The following OBI1 variants were observed in gnomAD, a reference collection of about 807,000 sequenced individuals.
OBI1 encodes ring finger protein 219.
A neutral mutation model predicts 62.4 loss-of-function variants in OBI1; 59 were observed. The ratio of observed to expected loss-of-function variants is 0.95; its 90% CI spans 0.77 to 1.17. OBI1 has a LOEUF of 1.17. Ranked by LOEUF, OBI1 falls within the 50% of genes most tolerant of loss-of-function variation. The pLI, the probability that OBI1 is intolerant of heterozygous loss-of-function variation, is 0.00. For synonymous variants in OBI1, 302 were observed against 292.8 expected (o/e 1.03, Z -0.32); for missense variants, 875 against 830.9 (o/e 1.05, Z -0.65).
intron 5 of OBI1, among the ~76,000 whole-genome samples, chr13:78,625,090 C>T (rs1426383329): frequency 6.6e-6 from 1 of 152,178 alleles, no homozygotes; most frequent in African/African-American, 2.4e-5. Flanking sequence ...CCCCTCTGCT[C>T]CCTTCAACCA....
intron 5 of OBI1, among the ~76,000 whole-genome samples, chr13:78,621,028 C>A (rs1011755449): frequency 9.2e-5 from 14 of 152,154 alleles, no homozygotes; most frequent in Non-Finnish European, 7.4e-5. Context: ...ACAAGGGGGA[C>A]ATTGGGGAAG....
intron 1 of OBI1, among the ~76,000 whole-genome samples, chr13:78,649,481 A>G (rs1170025358): frequency 2.0e-5 from 3 of 152,250 alleles, no homozygotes; most frequent in African/African-American, 7.2e-5. Flanking sequence ...GTTACCGACA[A>G]GCACTGTTTC....
rs1875262410 is a variant in OBI1, at chr13:78,615,962, T to C, written c.1799A>G (p.Gln600Arg). ...NLSKGSLTND[Q>R]LENGSEWKPT... ...TTTCCATTCACTTCCATTTTCTAAC[T>C]GATCATTAGTTAGAGAACCTTTGGA... Residue 600 changes from glutamine (Q) to arginine (R), a missense_variant, in exon 6 of 6, where the codon CAG (glutamine) becomes CGG (arginine). Physicochemically the swap from Gln to Arg is conservative, Grantham distance 43 (BLOSUM62 1). Transcript: ENST00000282003. The C allele has an allele frequency of 6.2e-7, 1 of 1,613,770 alleles. No individual in the cohort carries two copies.
chr13:78,631,676 C>A (rs1249954741), intron 5 of OBI1, among the ~76,000 whole-genome samples: 1 of 152,080 alleles, frequency 6.6e-6, no homozygotes, highest in African/African-American at 2.4e-5. Flanking sequence ...GAAAAGACTG[C>A]ATTTTCTGGA....
At chr13:78,620,582 G>A (rs1211559454) in intron 5 of OBI1, 6 of 454,470 alleles carry the variant, frequency 1.3e-5, no homozygotes, top group Non-Finnish European at 2.6e-5. Flanking sequence ...GGATTTTTCA[G>A]CTTGCAATAT....
rs11408032 is a variant in OBI1 at position 78,645,659 on chromosome 13, A to ATT, written c.73-664_73-663dup. On this transcript the variant is annotated intron_variant, in intron 1 of 5. Coordinates refer to ENST00000282003, the MANE Select transcript of OBI1 (RefSeq NM_024546.4). ...AATAATAATACCTTACATTTATAGCATTTTTTTTTGAGACGGAGTCTCGCT... is the reference window on the plus strand; with the variant it reads ...AATAATAATACCTTACATTTATAGCATTTTTTTTTTTGAGACGGAGTCTCGCT... Among the ~76,000 whole-genome samples, 921 of 151,484 alleles carry ATT rather than the reference A, an allele frequency of 6.1e-3. 7 individuals are homozygous for ATT. The highest frequency in any genetic ancestry group is 0.015 in the African/African-American group (617 of 41,324).
intron 1 of OBI1, among the ~76,000 whole-genome samples, chr13:78,647,659 A>G (rs12584378): frequency 0.37 from 56,025 of 152,098 alleles, 10,646 homozygotes; most frequent in African/African-American, 0.39. Context: ...CAGGTCCTCC[A>G]TATGCTGAGC....
chr13:78,640,046 T>C (rs542775087), intron 3 of OBI1, among the ~76,000 whole-genome samples: 1 of 151,780 alleles, frequency 6.6e-6, no homozygotes, highest in Admixed American at 6.5e-5. Context: ...AAAAAAAAGA[T>C]ATCATCCAGA....
intron 1 of OBI1, among the ~76,000 whole-genome samples, chr13:78,649,355 A>G (rs1876477939): frequency 6.6e-6 from 1 of 152,228 alleles, no homozygotes; most frequent in Admixed American, 6.5e-5. Flanking sequence ...TCAAGGCAAG[A>G]AAGTTTTTCA....
rs114151714 is a variant in OBI1, at chr13:78,622,255, C to A, written c.639-5133G>T. Among the ~76,000 whole-genome samples the A allele has an allele frequency of 2.9e-3, 439 of 151,848 alleles. 2 individuals are homozygous for A. The highest frequency in any genetic ancestry group is 0.01 in the African/African-American group (422 of 41,390). On this transcript the variant is annotated intron_variant, in intron 5 of 5. Transcript: ENST00000282003. ...CTCAGCAGTTCAAGACCAGCCTAGG[C>A]GACATAATGAGATCATGTCTCTCCA... is the stretch of plus-strand genomic sequence containing the variant.
At chr13:78,641,018 C>G (rs144184156) in intron 3 of OBI1, among the ~76,000 whole-genome samples, 274 of 152,126 alleles carry the variant, frequency 1.8e-3, no homozygotes, top group African/African-American at 6.0e-3. Context: ...GTTTATTATC[C>G]TAAAACCAGT....
chr13:78,624,113 A>G (rs1287865549), intron 5 of OBI1, among the ~76,000 whole-genome samples: 1 of 152,264 alleles, frequency 6.6e-6, no homozygotes, highest in Non-Finnish European at 1.5e-5. Flanking sequence ...TTTATATGAA[A>G]TGAGAAAAAC....
At chr13:78,657,390 T>C (rs1199165235) in intron 1 of OBI1, among the ~76,000 whole-genome samples, 5 of 152,068 alleles carry the variant, frequency 3.3e-5, no homozygotes, top group Admixed American at 6.5e-5. Context: ...GAGGTTCAAC[T>C]ATGAAGACTC....
chr13:78,641,465 T>A (rs374585833), intron 3 of OBI1, among the ~76,000 whole-genome samples: 2 of 152,200 alleles, frequency 1.3e-5, no homozygotes, highest in African/African-American at 2.4e-5. Flanking sequence ...CGATATCTCC[T>A]TCTTCAGTCA....
chr13:78,622,031 T>G (rs1244197752), intron 5 of OBI1, among the ~76,000 whole-genome samples: 1 of 152,236 alleles, frequency 6.6e-6, no homozygotes, highest in African/African-American at 2.4e-5. Context: ...TAAATATCAA[T>G]GTACTAAATA....
rs752393396 is a variant in OBI1 at position 78,635,146 on chromosome 13, C to A, written c.602G>T (p.Arg201Leu). The change falls in exon 5 of 6, where the codon CGA (arginine) becomes CTA (leucine). Residue 201 changes from arginine (R) to leucine (L), a missense_variant. Transcript: ENST00000282003. ...TCTGTTATCAACTTCAGCCTTCAGTCGTAAATTCTCCCTCACCAGACCACC... is the reference window on the plus strand; with the variant it reads ...TCTGTTATCAACTTCAGCCTTCAGTAGTAAATTCTCCCTCACCAGACCACC... ...ENGGLVRENL[R>L]LKAEVDNRSP... 3.7e-6 allele frequency: 6 copies of A among 1,611,006 alleles called. No homozygotes were observed. Among genetic ancestry groups the A allele is most frequent in the Admixed American group, 3.4e-5 (2 of 59,686 alleles).
chr13:78,639,167 TA>T, intron 3 of OBI1, 96 bp from the exon 4 acceptor site: 1 of 1,239,312 alleles, frequency 8.1e-7, no homozygotes, highest in Non-Finnish European at 1.1e-6. Flanking sequence ...ATTTTGTACT[TA>T]AAATTCTGTA....
At chr13:78,649,950 G>T (rs1876498456) in intron 1 of OBI1, among the ~76,000 whole-genome samples, 1 of 152,172 alleles carries the variant, frequency 6.6e-6, no homozygotes, top group Non-Finnish European at 1.5e-5. Flanking sequence ...GAAGGGAAGT[G>T]GGTTACAGAT....
intron 2 of OBI1, among the ~76,000 whole-genome samples, chr13:78,643,007 T>C (rs868176553): frequency 1.6e-4 from 24 of 152,364 alleles, no homozygotes; most frequent in Non-Finnish European, 1.5e-4. Flanking sequence ...ATGTCATGAC[T>C]TGTTACAAAT....
Sources: allele counts gnomAD v4.1 joint callset (sites outside exome capture counted in the v4.1 genomes callset), GRCh38; gene constraint gnomAD v4.1.1; transcripts MANE v1.5; gene names NCBI Gene and HGNC (gene_info 2026-07-23, HGNC 2026-07-21).